SCHIP1: variants seen among roughly 807,000 people sequenced by gnomAD.
SCHIP1 encodes the protein schwannomin-interacting protein 1.
Under a neutral mutation model 29.7 loss-of-function variants are expected in SCHIP1, and 8 were observed. The observed-to-expected ratio is 0.27, with a 90% confidence interval of 0.16 to 0.49. The LOEUF (loss-of-function observed/expected upper bound fraction) is 0.49. Ranked by LOEUF, SCHIP1 falls within the 20% of genes least tolerant of loss-of-function variation. The pLI is 0.99. For missense variants in SCHIP1, 193 were observed against 294.6 expected, an observed-to-expected ratio of 0.66 and a Z score of 2.52; for synonymous variants, 76 against 94.9, an observed-to-expected ratio of 0.80 and a Z score of 1.16.
the SCHIP1 span, among the ~76,000 whole-genome samples, chr3:159,544,695 A>C: frequency 6.6e-6 from 1 of 151,850 alleles, no homozygotes; most frequent in Non-Finnish European, 1.5e-5. Flanking sequence ...TCTTAATTGC[A>C]TTTTCTTTTT....
the SCHIP1 span, among the ~76,000 whole-genome samples, chr3:159,706,883 A>G: frequency 6.6e-6 from 1 of 152,234 alleles, no homozygotes; most frequent in Non-Finnish European, 1.5e-5. Flanking sequence ...TATGAAATAA[A>G]GACAAAGGAT....
the SCHIP1 span, among the ~76,000 whole-genome samples, chr3:159,809,951 A>G: frequency 6.6e-6 from 1 of 152,192 alleles, no homozygotes; most frequent in Non-Finnish European, 1.5e-5. Flanking sequence ...CCGAGATTGC[A>G]CCACTGAGTT....
chr3:159,614,478 G>A, the SCHIP1 span, among the ~76,000 whole-genome samples: 2 of 152,112 alleles, frequency 1.3e-5, no homozygotes, highest in Non-Finnish European at 2.9e-5. Context: ...TTCACCCCGT[G>A]TGTGGGTCAC....
chr3:159,417,342 A>G, the SCHIP1 span, among the ~76,000 whole-genome samples: 1 of 152,210 alleles, frequency 6.6e-6, no homozygotes, highest in Non-Finnish European at 1.5e-5. Context: ...GAGTCACGCA[A>G]TCACTCGGGA....
At chr3:159,525,836 C>G in the SCHIP1 span, among the ~76,000 whole-genome samples, 1 of 152,206 alleles carries the variant, frequency 6.6e-6, no homozygotes, top group Non-Finnish European at 1.5e-5. Context: ...TGAGTTGACT[C>G]TCCTTAAATG....
At chr3:159,841,426 G>C (rs1744206701) in intron 1 of SCHIP1, among the ~76,000 whole-genome samples, 1 of 152,050 alleles carries the variant, frequency 6.6e-6, no homozygotes, top group African/African-American at 2.4e-5. Flanking sequence ...GAGATGCTGA[G>C]AAAAAAACCA....
At chr3:159,474,212 A>C in the SCHIP1 span, among the ~76,000 whole-genome samples, 1 of 152,194 alleles carries the variant, frequency 6.6e-6, no homozygotes, top group African/African-American at 2.4e-5. Context: ...TAATGCTTCA[A>C]ATAGTTATTT....
At chr3:159,296,954 C>T in the SCHIP1 span, among the ~76,000 whole-genome samples, 2 of 152,200 alleles carry the variant, frequency 1.3e-5, no homozygotes, top group Non-Finnish European at 1.5e-5. Context: ...TGGCAACTAT[C>T]GTTCTACTGT....
the SCHIP1 span, among the ~76,000 whole-genome samples, chr3:159,715,601 G>A: frequency 1.3e-5 from 2 of 152,344 alleles, no homozygotes; most frequent in African/African-American, 4.8e-5. Flanking sequence ...ACTACGTGAT[G>A]CATGCACAAG....
the SCHIP1 span, among the ~76,000 whole-genome samples, chr3:159,677,394 G>A: frequency 1.3e-5 from 2 of 152,130 alleles, no homozygotes; most frequent in South Asian, 4.1e-4. Context: ...CATACATGCA[G>A]ACAACGCCCC....
the SCHIP1 span, among the ~76,000 whole-genome samples, chr3:159,621,114 A>T: frequency 1.6e-4 from 24 of 152,198 alleles, no homozygotes; most frequent in Non-Finnish European, 2.2e-4. Flanking sequence ...ATGTGATGAG[A>T]AACACTGTTG....
At chr3:159,284,383 T>C in the SCHIP1 span, among the ~76,000 whole-genome samples, 1 of 152,214 alleles carries the variant, frequency 6.6e-6, no homozygotes, top group Admixed American at 6.6e-5. Flanking sequence ...ATTTTGTTAA[T>C]TGAAATTTTA....
the SCHIP1 span, among the ~76,000 whole-genome samples, chr3:159,811,513 T>A: frequency 6.6e-6 from 1 of 152,358 alleles, no homozygotes; most frequent in South Asian, 2.1e-4. Flanking sequence ...GATATCCAGT[T>A]GTCCCAGCAC....
the SCHIP1 span, among the ~76,000 whole-genome samples, chr3:159,558,683 C>T: frequency 6.6e-6 from 1 of 152,218 alleles, no homozygotes; most frequent in Non-Finnish European, 1.5e-5. Context: ...ACCAGAGTCT[C>T]ATCGGTAGCC....
chr3:159,607,895 A>G, the SCHIP1 span, among the ~76,000 whole-genome samples: 1 of 152,196 alleles, frequency 6.6e-6, no homozygotes, highest in Admixed American at 6.5e-5. Flanking sequence ...GGAAGGAAAA[A>G]AAGCTGAGTG....
the SCHIP1 span, among the ~76,000 whole-genome samples, chr3:159,311,804 TTTTA>T: frequency 2.6e-5 from 4 of 152,144 alleles, no homozygotes; most frequent in Non-Finnish European, 5.9e-5. Context: ...GATCAATCTG[TTTTA>T]TTTATTTTCT....
the SCHIP1 span, among the ~76,000 whole-genome samples, chr3:159,715,542 T>A: frequency 6.6e-6 from 1 of 152,166 alleles, no homozygotes; most frequent in Non-Finnish European, 1.5e-5. Context: ...ATAAACAGCG[T>A]AGAGAAGACC....
the SCHIP1 span, among the ~76,000 whole-genome samples, chr3:159,466,976 AC>A: frequency 6.6e-6 from 1 of 152,030 alleles, no homozygotes; most frequent in East Asian, 1.9e-4. Context: ...TAATAAATAA[AC>A]AACATTAAAA....
the SCHIP1 span, among the ~76,000 whole-genome samples, chr3:159,448,133 T>C: frequency 6.6e-6 from 1 of 152,216 alleles, no homozygotes; most frequent in African/African-American, 2.4e-5. Flanking sequence ...CCTGATGATG[T>C]AACTGTGAGG....
Sources: allele counts gnomAD v4.1 joint callset (sites outside exome capture counted in the v4.1 genomes callset), GRCh38; gene constraint gnomAD v4.1.1; transcripts MANE v1.5; gene names NCBI Gene and HGNC (gene_info 2026-07-23, HGNC 2026-07-21).